CNOT3: variants seen among roughly 807,000 people sequenced by gnomAD.
The protein encoded by CNOT3 is CCR4-associated factor 3.
In CNOT3, 2 loss-of-function variants were observed where a neutral mutation model predicts 89.4. That is an observed-to-expected ratio of 0.02 (90% confidence interval 0.01 to 0.07). The LOEUF is 0.07. Ranked by LOEUF, CNOT3 falls within the 10% of genes least tolerant of loss-of-function variation. The pLI is 1.00. For synonymous variants in CNOT3, 486 were observed against 402.0 expected, an observed-to-expected ratio of 1.21 and a Z score of -2.50; for missense variants, 664 against 1,010.2, an observed-to-expected ratio of 0.66 and a Z score of 4.65.
Position 54,137,790 on chromosome 19 carries a change from C to T in CNOT3, c.-254C>T, listed in dbSNP as rs1397668171. On this transcript the variant is annotated 5_prime_UTR_variant, in exon 1 of 18. Transcript: ENST00000221232. ...TTGGACCGGGCCCGGTCAGCTTCCG[C>T]GGAGCCATCGGCAGACGCCGCGGCC... The T allele has an allele frequency of 6.6e-6, 1 of 152,112 alleles. No homozygotes were observed. Among genetic ancestry groups the T allele is most frequent in the Non-Finnish European group, 1.5e-5 (1 of 68,000 alleles). The allele number at this position is 152,112 out of a possible 1,614,324, so 9.4% of individuals were successfully genotyped here.
At chr19:54,147,888 G>T (rs2074770537) in intron 10 of CNOT3, among the ~76,000 whole-genome samples, 1 of 152,206 alleles carries the variant, frequency 6.6e-6, no homozygotes, top group Non-Finnish European at 1.5e-5. Context: ...AGATCCCTGT[G>T]GGGGTGTCCA....
Position 54,145,897 on chromosome 19 carries a change from T to C in CNOT3, c.704-13T>C. The C allele has an allele frequency of 6.2e-7, 1 of 1,613,082 alleles. No homozygotes were observed. The highest frequency in any genetic ancestry group is 1.1e-5 in the South Asian group (1 of 90,986). On this transcript the variant is annotated splice_polypyrimidine_tract_variant and intron_variant, in intron 8 of 17. Transcript: ENST00000221232. This position sits in a 1 kb window ranked among gnomAD's most constrained non-coding sequence, Gnocchi z 5.9. ...GTGAGCCAGCTAAGCATGCCCTTCT[T>C]CTGCCCCCACAGCACAGGCGCTGGT... is the stretch of plus-strand genomic sequence containing the variant.
At chr19:54,153,022 G>C (rs1255626229) in intron 16 of CNOT3, 23 bp downstream of exon 16, 1 of 1,592,146 alleles carries the variant, frequency 6.3e-7, no homozygotes, top group Non-Finnish European at 8.6e-7. Flanking sequence ...CCCCGGGGCA[G>C]CCTCGGGCCC....
At position 54,143,677 on chromosome 19, in the gene CNOT3, C is replaced by T; in HGVS notation, c.186C>T (p.Ile62=). ...ATCTGCAGCGGCTGAGGGACCAAAT[C>T]AAGACATGGGTAGCGTCCAACGAGA... ...IKKLQRLRDQ[I]KTWVASNEIK... is the part of the protein sequence containing the mutation. The change falls in exon 5 of 18, where the codon ATC becomes ATT. Residue 62 remains isoleucine, a synonymous_variant. Coordinates refer to ENST00000221232, the MANE Select transcript of CNOT3 (RefSeq NM_014516.4). 1 of 1,613,920 alleles carries T rather than the reference C, an allele frequency of 6.2e-7. No homozygotes were observed. The highest frequency in any genetic ancestry group is 1.1e-5 in the South Asian group (1 of 91,080).
intron 10 of CNOT3, 108 bp downstream of exon 10, chr19:54,146,765 G>A (rs1406039255): frequency 5.2e-6 from 4 of 764,102 alleles, no homozygotes; most frequent in Non-Finnish European, 9.7e-6. Context: ...GTGGACACAG[G>A]TGGCTCAGAA....
At chr19:54,152,023 C>T (rs917810088) in intron 13 of CNOT3, among the ~76,000 whole-genome samples, 1 of 152,362 alleles carries the variant, frequency 6.6e-6, no homozygotes, top group South Asian at 2.1e-4. Context: ...ACGAGACGTT[C>T]CTCTGCTGAT....
chr19:54,152,404 GC>G (rs769981010), intron 14 of CNOT3, 23 bp from the exon 15 acceptor site: 1 of 1,613,848 alleles, frequency 6.2e-7, no homozygotes, highest in Non-Finnish European at 8.5e-7. Context: ...CACTGAGGGG[GC>G]CGGACCCCCA....
Position 54,142,974 on chromosome 19 carries a change from G to A in CNOT3, c.-5G>A, listed in dbSNP as rs1169019011. On this transcript the variant is annotated 5_prime_UTR_variant, in exon 2 of 18. Coordinates refer to ENST00000221232, the MANE Select transcript of CNOT3 (RefSeq NM_014516.4). ...TGAAGAGAGTGCGTCTGTAGGGCAG[G>A]GAAGATGGCGGACAAGCGCAAACTC... The A allele has an allele frequency of 6.2e-6, 10 of 1,614,014 alleles. No individual in the cohort carries two copies. The highest frequency in any genetic ancestry group is 8.5e-6 in the Non-Finnish European group (10 of 1,179,976).
intron 5 of CNOT3, 83 bp downstream of exon 5, chr19:54,143,832 A>G: frequency 6.6e-7 from 1 of 1,509,196 alleles, no homozygotes; most frequent in Non-Finnish European, 9.1e-7. Flanking sequence ...CAGAGCGGCC[A>G]GACCCCAGAG....
rs587743521 is a variant in CNOT3 at position 54,138,745 on chromosome 19, CCT to C, written c.-51+756_-51+757del. ...CCACCTCTGTAGTCTGCAGCTCTTC[CCT>C]CTCATAGCGAGTAGCGCCCTGGGTG... On this transcript the variant is annotated intron_variant, in intron 1 of 17. Coordinates refer to ENST00000221232, the MANE Select transcript of CNOT3 (RefSeq NM_014516.4). 4.2e-3 allele frequency among the ~76,000 whole-genome samples: 644 copies of C among 152,368 alleles called. 4 individuals are homozygous for C. The highest frequency in any genetic ancestry group is 0.014 in the African/African-American group (589 of 41,592).
intron 15 of CNOT3, 35 bp downstream of exon 15, chr19:54,152,661 C>A: frequency 6.4e-7 from 1 of 1,550,536 alleles, no homozygotes; most frequent in Non-Finnish European, 8.9e-7. Flanking sequence ...TGGTCTGGGA[C>A]TTGAGTCTTA....
chr19:54,139,834 T>G (rs1033823917), intron 1 of CNOT3, among the ~76,000 whole-genome samples: 2 of 151,798 alleles, frequency 1.3e-5, no homozygotes, highest in African/African-American at 4.8e-5. Context: ...GGTGGGAGAT[T>G]CCAGCCCCCC....
At position 54,143,008 on chromosome 19, in the gene CNOT3, T is replaced by C; in HGVS notation, c.25+5T>C. On this transcript the variant is annotated splice_donor_5th_base_variant and intron_variant, in intron 2 of 17. Transcript: ENST00000221232. ...CGGACAAGCGCAAACTCCAAGGTAC[T>C]AGACTGACTTCCTGCTGCACCTGTA... 6.2e-7 allele frequency: 1 copy of C among 1,614,076 alleles called. No homozygotes were observed.
chr19:54,149,186 C>A (rs935746071), intron 12 of CNOT3, among the ~76,000 whole-genome samples: 2 of 152,204 alleles, frequency 1.3e-5, no homozygotes, highest in Non-Finnish European at 2.9e-5. Context: ...TAAGAAAGAT[C>A]AGTGTGCACA....
rs763271306 is a variant in CNOT3 at position 54,145,885 on chromosome 19, G to A, written c.704-25G>A. 2 of 1,612,648 alleles carry A rather than the reference G, an allele frequency of 1.2e-6. No homozygotes were observed. The highest frequency in any genetic ancestry group is 1.7e-6 in the Non-Finnish European group (2 of 1,179,398). ...AGAATGGGCTGTGTGAGCCAGCTAA[G>A]CATGCCCTTCTTCTGCCCCCACAGC... On this transcript the variant is annotated intron_variant, in intron 8 of 17. Transcript: ENST00000221232. The surrounding 1 kb of genome is among the most constrained non-coding windows in gnomAD (Gnocchi z 5.9).
rs2074550575 is a variant in CNOT3 at position 54,143,765 on chromosome 19, C to T, written c.258+16C>T. Reference sequence around the variant, plus strand: ...CATTGAGACGGTAGGAGCCCAGAGCCTGAGTCCCAGAGAGGTGGGAAGGTC... The same window carrying T: ...CATTGAGACGGTAGGAGCCCAGAGCTTGAGTCCCAGAGAGGTGGGAAGGTC... On this transcript the variant is annotated intron_variant, in intron 5 of 17. Transcript: ENST00000221232. The T allele has an allele frequency of 6.2e-7, 1 of 1,611,430 alleles. No homozygotes were observed. The highest frequency in any genetic ancestry group is 8.5e-7 in the Non-Finnish European group (1 of 1,178,020).
At chr19:54,143,358 G>T in intron 3 of CNOT3, 84 bp from the exon 4 acceptor site, 1 of 1,449,774 alleles carries the variant, frequency 6.9e-7, no homozygotes, top group Non-Finnish European at 9.7e-7. Context: ...GGGTCCTCGA[G>T]TCCCTAGCAT....
Position 54,148,798 on chromosome 19 carries a change from G to C in CNOT3, c.1406+55G>C, listed in dbSNP as rs2074857293. ...GATGGCAGCCTTTTGAAACAGAGAG[G>C]CGCAGGCGCCTCACCCCCGCATCGG... On this transcript the variant is annotated intron_variant, in intron 12 of 17. Coordinates refer to ENST00000221232, the MANE Select transcript of CNOT3 (RefSeq NM_014516.4). This position sits in a 1 kb window ranked among gnomAD's most constrained non-coding sequence, Gnocchi z 6.3. 1 of 1,572,748 alleles carries C rather than the reference G, an allele frequency of 6.4e-7. No individual in the cohort carries two copies. Among genetic ancestry groups the C allele is most frequent in the Admixed American group, 1.8e-5 (1 of 55,486 alleles).
chr19:54,151,980 C>T (rs587627913), intron 13 of CNOT3, among the ~76,000 whole-genome samples: 6 of 152,362 alleles, frequency 3.9e-5, no homozygotes, highest in Non-Finnish European at 7.3e-5. Context: ...TTGAAAATCT[C>T]GGCGTAGTAT....
Sources: gnomAD v4.1 joint callset for allele counts (sites outside exome capture counted in the v4.1 genomes callset) on GRCh38, gnomAD v4.1.1 for gene constraint, Gnocchi (gnomAD v3.1) non-coding constraint, MANE v1.5 for transcripts, NCBI Gene and HGNC (gene_info 2026-07-23, HGNC 2026-07-21) for gene names.